Variants in CNIH3 observed in about 807,000 individuals in gnomAD.
CNIH3 encodes the protein cornichon family AMPA receptor auxiliary protein 3, also known as protein cornichon homolog 3.
A neutral mutation model predicts 24.1 loss-of-function variants in CNIH3; 14 were observed. The observed-to-expected ratio is 0.58, with a 90% CI of 0.38 to 0.91. The LOEUF (loss-of-function observed/expected upper bound fraction) is 0.91. CNIH3 is among the 40% of genes least tolerant of loss of function. The probability of loss-of-function intolerance (pLI) is 0.00; values close to 1 mark genes in which losing one functional copy is unlikely to be tolerated. For synonymous variants in CNIH3, 68 were observed against 73.8 expected (o/e 0.92, Z 0.40); for missense variants, 178 against 196.8 (o/e 0.90, Z 0.57).
At chr1:224,620,358 G>C (rs1683220833) in intron 1 of CNIH3, among the ~76,000 whole-genome samples, 2 of 152,230 alleles carry the variant, frequency 1.3e-5, no homozygotes, top group Admixed American at 1.3e-4. Context: ...GCATGGACTT[G>C]AGCTAGGTCT....
intron 1 of CNIH3, among the ~76,000 whole-genome samples, chr1:224,674,371 A>G (rs1175629757): frequency 2.9e-5 from 4 of 138,206 alleles, no homozygotes; most frequent in Admixed American, 1.6e-4. Flanking sequence ...ATAACTTTTA[A>G]TCTCCTAACT....
intron 1 of CNIH3, among the ~76,000 whole-genome samples, chr1:224,467,792 G>GT (rs201478820): frequency 0.067 from 9,511 of 141,008 alleles, 469 homozygotes; most frequent in East Asian, 0.16. Context: ...ATTTCCTCCT[G>GT]TTTTTTTTTT....
At chr1:224,614,606 A>C (rs557745256), upstream of CNIH3, among the ~76,000 whole-genome samples, 256 of 152,030 alleles carry the variant, frequency 1.7e-3, no homozygotes, top group African/African-American at 5.7e-3. Flanking sequence ...GCACCACTGC[A>C]CTCCAGCCTG....
In CNIH3 at chr1:224,616,364, T is replaced by G. The variant is rs2125059506; in HGVS notation, c.-811T>G. ...CGGCGGCGGCAGCGGCAGCAGCAGG[T>G]GGAGCGAGCTACAGCGTTTGGCCTG... On this transcript the variant is annotated 5_prime_UTR_variant, in exon 1 of 6. Coordinates refer to ENST00000272133, the MANE Select transcript of CNIH3 (RefSeq NM_152495.2). 9.3e-6 allele frequency: 6 copies of G among 647,742 alleles called. No individual in the cohort carries two copies. Among genetic ancestry groups the G allele is most frequent in the South Asian group, 3.7e-5 (1 of 26,856 alleles). 40.1% of individuals were successfully genotyped at this position (647,742 alleles called of 1,614,324 possible).
At chr1:224,601,246 C>T (rs948658635) in intron 3 of CNIH3, among the ~76,000 whole-genome samples, 3 of 152,104 alleles carry the variant, frequency 2.0e-5, no homozygotes, top group Admixed American at 6.6e-5. Flanking sequence ...TTGGGCTGTC[C>T]GCATGCTCAG....
chr1:224,711,161 T>C (rs6675980), intron 3 of CNIH3, among the ~76,000 whole-genome samples: 106,893 of 152,194 alleles, frequency 0.7, 38,470 homozygotes, highest in East Asian at 0.91. Context: ...GATACCTGTA[T>C]GGAGATGAAT....
downstream of CNIH3, among the ~76,000 whole-genome samples, chr1:224,589,060 C>T (rs978792703): frequency 6.9e-6 from 1 of 145,900 alleles, no homozygotes; most frequent in African/African-American, 2.5e-5. Context: ...AGTCTGAGCT[C>T]TGGAAATCAA....
chr1:224,501,365 A>G (rs1375484224), intron 1 of CNIH3, among the ~76,000 whole-genome samples: 1 of 152,010 alleles, frequency 6.6e-6, no homozygotes, highest in South Asian at 2.1e-4. Context: ...ATTTAATCTC[A>G]TTTAATCTTG....
chr1:224,614,494 G>C (rs939639934), upstream of CNIH3, among the ~76,000 whole-genome samples: 1 of 152,088 alleles, frequency 6.6e-6, no homozygotes, highest in African/African-American at 2.4e-5. Context: ...GCCATATATT[G>C]AGACCTATGT....
At chr1:224,457,990 G>C (rs1205511842) in intron 1 of CNIH3, among the ~76,000 whole-genome samples, 1 of 152,208 alleles carries the variant, frequency 6.6e-6, no homozygotes, top group Non-Finnish European at 1.5e-5. Flanking sequence ...CTTTATGCCA[G>C]TTAGTGCCCT....
At chr1:224,522,654 A>G (rs1444663299) in intron 2 of CNIH3, among the ~76,000 whole-genome samples, 1 of 152,240 alleles carries the variant, frequency 6.6e-6, no homozygotes, top group Non-Finnish European at 1.5e-5. Context: ...GAACAGGAAA[A>G]GTGCTCAGCC....
intron 4 of CNIH3, among the ~76,000 whole-genome samples, chr1:224,572,435 GA>G (rs975144770): frequency 7.2e-4 from 109 of 151,320 alleles, no homozygotes; most frequent in African/African-American, 2.5e-3. Flanking sequence ...AGAATCGCTT[GA>G]ATCTGGGAGG....
At chr1:224,503,605 C>G (rs548490173) in intron 1 of CNIH3, among the ~76,000 whole-genome samples, 12 of 152,294 alleles carry the variant, frequency 7.9e-5, no homozygotes, top group African/African-American at 2.4e-4. Context: ...TGCACAGGGG[C>G]GGGTCCCCTC....
chr1:224,636,675 TGTG>T (rs1288540846), intron 1 of CNIH3, among the ~76,000 whole-genome samples: 1 of 152,196 alleles, frequency 6.6e-6, no homozygotes, highest in Non-Finnish European at 1.5e-5. Flanking sequence ...TTTACAGCTG[TGTG>T]TACTTAGTAT....
intron 3 of CNIH3, among the ~76,000 whole-genome samples, chr1:224,722,674 G>T (rs891446018): frequency 6.6e-6 from 1 of 152,098 alleles, no homozygotes; most frequent in African/African-American, 2.4e-5. Context: ...TGGGGGGAGT[G>T]CAGTCAGCAA....
chr1:224,578,078 G>A (rs1681113333), intron 4 of CNIH3, among the ~76,000 whole-genome samples: 1 of 151,974 alleles, frequency 6.6e-6, no homozygotes, highest in Non-Finnish European at 1.5e-5. Flanking sequence ...TACACTGCTC[G>A]GATGAAGGGT....
At chr1:224,572,548 C>T (rs1680864116) in intron 4 of CNIH3, among the ~76,000 whole-genome samples, 1 of 150,416 alleles carries the variant, frequency 6.6e-6, no homozygotes, top group African/African-American at 2.4e-5. Flanking sequence ...TTCACTACAC[C>T]CCTGATCTAA....
chr1:224,614,754 T>C (rs1013876937), upstream of CNIH3, among the ~76,000 whole-genome samples: 2 of 151,808 alleles, frequency 1.3e-5, no homozygotes, highest in African/African-American at 4.8e-5. Flanking sequence ...CGAGACCATC[T>C]TGGCCAACAT....
intron 4 of CNIH3, among the ~76,000 whole-genome samples, chr1:224,730,858 A>G (rs1689290456): frequency 6.6e-6 from 1 of 152,224 alleles, no homozygotes; most frequent in Admixed American, 6.5e-5. Context: ...AACCAACCCA[A>G]ATGCCCATCA....
Sources: gnomAD v4.1 joint callset for allele counts (sites outside exome capture counted in the v4.1 genomes callset) on GRCh38, gnomAD v4.1.1 for gene constraint, MANE v1.5 for transcripts, NCBI Gene and HGNC (gene_info 2026-07-23, HGNC 2026-07-21) for gene names.